Variants in SNAP23 observed in about 807,000 individuals in gnomAD.
SNAP23 encodes the protein synaptosome associated protein 23.
Under a neutral mutation model 29.0 loss-of-function variants are expected in SNAP23, and 11 were observed. The observed-to-expected ratio is 0.38, with a 90% CI of 0.24 to 0.63. The LOEUF (loss-of-function observed/expected upper bound fraction) is 0.63, where lower values mean the gene tolerates loss of function less well. Among genes scored for constraint, SNAP23 ranks in the 20% least tolerant of loss-of-function variants. The pLI is 0.58. For synonymous variants in SNAP23, 60 were observed against 82.9 expected (o/e 0.72, Z 1.50); for missense variants, 220 against 253.9 (o/e 0.87, Z 0.91).
intron 1 of SNAP23, among the ~76,000 whole-genome samples, chr15:42,503,424 C>T (rs1196273808): frequency 1.4e-5 from 2 of 145,986 alleles, no homozygotes; most frequent in Non-Finnish European, 3.0e-5. Flanking sequence ...GGCTGGAGTA[C>T]AGTGGCACAA....
chr15:42,531,453 G>A lies in SNAP23; in HGVS notation c.611G>A (p.Arg204Lys). Residue 204 changes from arginine (R) to lysine (K), a missense_variant, in exon 8 of 8, where the codon AGA (arginine) becomes AAA (lysine). Transcript: ENST00000249647. ...GATCGTATTGATATTGCCAATGCCA[G>A]AGCAAAGAAACTCATTGACAGCTAA... ...NRDRIDIANA[R>K]AKKLIDS The A allele has an allele frequency of 6.3e-7, 1 of 1,599,124 alleles. No individual in the cohort carries two copies. Among genetic ancestry groups the A allele is most frequent in the South Asian group, 1.1e-5 (1 of 87,572 alleles).
At chr15:42,507,099 T>TG (rs1455987443) in intron 1 of SNAP23, among the ~76,000 whole-genome samples, 1 of 152,204 alleles carries the variant, frequency 6.6e-6, no homozygotes, top group East Asian at 1.9e-4. Flanking sequence ...ATTACAGACG[T>TG]GTGCCACCAC....
chr15:42,498,734 C>A (rs1375879610), intron 1 of SNAP23, among the ~76,000 whole-genome samples: 1 of 152,156 alleles, frequency 6.6e-6, no homozygotes, highest in Non-Finnish European at 1.5e-5. Flanking sequence ...CTCAGTGATC[C>A]AGTGATCTGA....
chr15:42,492,196 C>T (rs375644257), upstream of SNAP23, among the ~76,000 whole-genome samples: 8 of 152,212 alleles, frequency 5.3e-5, no homozygotes, highest in South Asian at 1.4e-3. Flanking sequence ...CAGGTGTGAG[C>T]CACCGCGCCC....
intron 5 of SNAP23, among the ~76,000 whole-genome samples, chr15:42,520,963 G>A (rs1021564606): frequency 5.3e-5 from 8 of 152,208 alleles, no homozygotes; most frequent in African/African-American, 1.9e-4. Context: ...ATACCAAGGT[G>A]TAAAAATTCA....
chr15:42,494,866 G>T (rs2057203192), upstream of SNAP23, among the ~76,000 whole-genome samples: 1 of 152,040 alleles, frequency 6.6e-6, no homozygotes, highest in African/African-American at 2.4e-5. Flanking sequence ...ATTCTTAGAG[G>T]TGCATGGAGG....
At position 42,510,413 on chromosome 15, in the gene SNAP23, G is replaced by A. The variant is rs1342213288; in HGVS notation, c.-14-1420G>A. Among the ~76,000 whole-genome samples the A allele has an allele frequency of 3.3e-5, 5 of 152,142 alleles. No homozygotes were observed. In the East Asian group the frequency reaches 9.7e-4, roughly 29 times the overall value. On this transcript the variant is annotated intron_variant, in intron 1 of 7. Coordinates refer to ENST00000249647, the MANE Select transcript of SNAP23 (RefSeq NM_003825.4). ...AGCCTCCCAAAGTGCTAGGATTCCA[G>A]TCATGAGCTACCACACCCAGCCAAA...
At chr15:42,495,934 A>G (rs976502689) in intron 1 of SNAP23, 1 of 152,160 alleles carries the variant, frequency 6.6e-6, no homozygotes, top group Non-Finnish European at 1.5e-5. Context: ...GCTGGATGGT[A>G]ATTCTCTGGA....
At chr15:42,520,661 A>G (rs887769003) in intron 5 of SNAP23, among the ~76,000 whole-genome samples, 1 of 151,614 alleles carries the variant, frequency 6.6e-6, no homozygotes, top group African/African-American at 2.4e-5. Flanking sequence ...CACCTGGCTA[A>G]TTTTTTGTAT....
intron 4 of SNAP23, 104 bp from the exon 5 acceptor site, chr15:42,515,133 T>C: frequency 1.5e-6 from 1 of 684,434 alleles, no homozygotes; most frequent in Non-Finnish European, 2.6e-6. Flanking sequence ...TGTGGGGAGT[T>C]ATTGGTAGAT....
chr15:42,497,020 CT>C (rs1361429322), intron 1 of SNAP23, among the ~76,000 whole-genome samples: 4 of 151,076 alleles, frequency 2.6e-5, no homozygotes, highest in African/African-American at 9.8e-5. Context: ...CATTCTGCCC[CT>C]GGCCCCTTTC....
chr15:42,496,282 G>C (rs1417954394), intron 1 of SNAP23, among the ~76,000 whole-genome samples: 3 of 152,154 alleles, frequency 2.0e-5, no homozygotes, highest in African/African-American at 7.2e-5. Flanking sequence ...TGTTAGGAAA[G>C]GCAGTTGATG....
chr15:42,531,285 G>A (rs910444679), intron 7 of SNAP23, 128 bp from the exon 8 acceptor site: 2 of 531,650 alleles, frequency 3.8e-6, no homozygotes, highest in African/African-American at 1.9e-5. Context: ...TGCCCAACAT[G>A]AGTTTTGTAA....
chr15:42,513,003 A>G lies in SNAP23; in HGVS notation c.99+7A>G. ...CCTGGGTTTAGCCATTGAGGTAAGA[A>G]AATGTTAGTCATCAACTTAAGTATA... On this transcript the variant is annotated splice_region_variant and intron_variant, in intron 3 of 7. Coordinates refer to ENST00000249647, the MANE Select transcript of SNAP23 (RefSeq NM_003825.4). 6.2e-7 allele frequency: 1 copy of G among 1,600,954 alleles called. No homozygotes were observed. The highest frequency in any genetic ancestry group is 8.6e-7 in the Non-Finnish European group (1 of 1,167,906).
intron 2 of SNAP23, among the ~76,000 whole-genome samples, chr15:42,512,590 G>A (rs1220545326): frequency 6.6e-6 from 1 of 152,018 alleles, no homozygotes; most frequent in African/African-American, 2.4e-5. Context: ...TGTTGGGCAG[G>A]CTGGTCTCAA....
At chr15:42,498,562 T>C (rs2057242787) in intron 1 of SNAP23, among the ~76,000 whole-genome samples, 1 of 152,090 alleles carries the variant, frequency 6.6e-6, no homozygotes, top group East Asian at 1.9e-4. Context: ...AGGCCTCAGG[T>C]CTTGTGATGG....
chr15:42,507,553 C>G (rs376783374), intron 1 of SNAP23, among the ~76,000 whole-genome samples: 8 of 152,264 alleles, frequency 5.3e-5, no homozygotes, highest in African/African-American at 1.7e-4. Flanking sequence ...GAGAAAAGTA[C>G]GTTTAATGGC....
At chr15:42,524,648 A>G (rs981650588) in intron 5 of SNAP23, among the ~76,000 whole-genome samples, 1 of 152,232 alleles carries the variant, frequency 6.6e-6, no homozygotes. Flanking sequence ...ATAGTCTTCC[A>G]TGAAACTGGT....
intron 1 of SNAP23, among the ~76,000 whole-genome samples, chr15:42,504,402 G>T (rs1271004357): frequency 6.6e-6 from 1 of 152,032 alleles, no homozygotes; most frequent in Non-Finnish European, 1.5e-5. Context: ...AAAAAAAGTT[G>T]TATATAGCCT....
Sources: gnomAD v4.1 joint callset for allele counts (sites outside exome capture counted in the v4.1 genomes callset) on GRCh38, gnomAD v4.1.1 for gene constraint, MANE v1.5 for transcripts, NCBI Gene and HGNC (gene_info 2026-07-23, HGNC 2026-07-21) for gene names.